Variants in CAP2 observed in about 807,000 individuals in gnomAD.
CAP2 encodes the protein cyclase associated actin cytoskeleton regulatory protein 2.
Under a neutral mutation model 57.7 loss-of-function variants are expected in CAP2, and 24 were observed. The observed-to-expected ratio is 0.42, with a 90% CI of 0.30 to 0.58. The LOEUF is 0.58. Ranked by LOEUF, CAP2 falls within the 20% of genes least tolerant of loss-of-function variation. CAP2 has a pLI of 0.22. For synonymous variants in CAP2, 194 were observed against 207.2 expected, an observed-to-expected ratio of 0.94 and a Z score of 0.55; for missense variants, 501 against 590.3, an observed-to-expected ratio of 0.85 and a Z score of 1.57.
chr6:17,523,561 A>C (rs769728193), intron 7 of CAP2, among the ~76,000 whole-genome samples: 2 of 152,220 alleles, frequency 1.3e-5, no homozygotes. Context: ...AAAACCTTGG[A>C]AAACACTATT....
intron 3 of CAP2, among the ~76,000 whole-genome samples, chr6:17,438,161 T>A (rs937861176): frequency 1.4e-5 from 2 of 146,068 alleles, no homozygotes; most frequent in Non-Finnish European, 3.0e-5. Context: ...AGGTCAGGAG[T>A]TCAAGACCAG....
intron 11 of CAP2, among the ~76,000 whole-genome samples, chr6:17,550,944 G>C (rs1763158092): frequency 6.6e-6 from 1 of 152,102 alleles, no homozygotes; most frequent in Admixed American, 6.6e-5. Context: ...AAGGACTTAT[G>C]TGAAAAGAAT....
intron 11 of CAP2, among the ~76,000 whole-genome samples, chr6:17,544,230 G>A (rs1762986510): frequency 6.6e-6 from 1 of 152,094 alleles, no homozygotes; most frequent in East Asian, 1.9e-4. Flanking sequence ...TGTTTGATGG[G>A]TATATGATTT....
chr6:17,400,353 C>T (rs915668519), intron 1 of CAP2, among the ~76,000 whole-genome samples: 4 of 152,144 alleles, frequency 2.6e-5, no homozygotes, highest in African/African-American at 9.7e-5. Flanking sequence ...TTTGGAGATC[C>T]AGAGAAATTC....
At chr6:17,397,268 C>G (rs1467447360) in intron 1 of CAP2, among the ~76,000 whole-genome samples, 2 of 152,032 alleles carry the variant, frequency 1.3e-5, no homozygotes, top group East Asian at 3.9e-4. Flanking sequence ...CCATGTTGCC[C>G]AGGCTGGTCT....
rs777144224 is a variant in CAP2, at chr6:17,393,626, G to C, written c.-122G>C. On this transcript the variant is annotated 5_prime_UTR_variant, in exon 1 of 13. Transcript: ENST00000229922. ...CCCCTGGAGCAGCGTGACTGACACC[G>C]GCTCCTATTCAGCTGGGAGGAGGGA... is the stretch of plus-strand genomic sequence containing the variant. 2 of 152,510 alleles carry C rather than the reference G, an allele frequency of 1.3e-5. No individual in the cohort carries two copies. Among genetic ancestry groups the C allele is most frequent in the East Asian group, 1.9e-4 (1 of 5,156 alleles). The allele number at this position is 152,510 out of a possible 1,614,324, so 9.4% of individuals were successfully genotyped here.
intron 4 of CAP2, among the ~76,000 whole-genome samples, chr6:17,481,258 T>C (rs1215724593): frequency 2.0e-5 from 3 of 152,196 alleles, no homozygotes; most frequent in Admixed American, 6.5e-5. Context: ...TCGTTCTTGC[T>C]TTTTCTTTTA....
At chr6:17,506,907 A>T (rs896423486) in intron 4 of CAP2, among the ~76,000 whole-genome samples, 2 of 152,170 alleles carry the variant, frequency 1.3e-5, no homozygotes, top group African/African-American at 4.8e-5. Flanking sequence ...GCTGTGCCAT[A>T]CTGCTGGGTT....
At chr6:17,486,775 G>A (rs1049826933) in intron 4 of CAP2, among the ~76,000 whole-genome samples, 2 of 152,160 alleles carry the variant, frequency 1.3e-5, no homozygotes. Flanking sequence ...GTAATCCAAA[G>A]GCCAACTGAA....
intron 11 of CAP2, among the ~76,000 whole-genome samples, chr6:17,551,187 T>C (rs1385078257): frequency 1.3e-5 from 2 of 152,238 alleles, no homozygotes; most frequent in East Asian, 3.8e-4. Context: ...AACATCTAGC[T>C]GCTGTTTCCA....
At chr6:17,420,189 C>G (rs2113530004) in intron 1 of CAP2, among the ~76,000 whole-genome samples, 1 of 152,238 alleles carries the variant, frequency 6.6e-6, no homozygotes, top group African/African-American at 2.4e-5. Flanking sequence ...CATTTTTATC[C>G]CCAGTCCTCT....
chr6:17,543,144 GTAAGCAGAGCCTTTCCAACCATGCTGTAA>G lies in CAP2; in HGVS notation c.1209+23_1209+51del, dbSNP rs751378825. 109 of 1,611,804 alleles carry G rather than the reference GTAAGCAGAGCCTTTCCAACCATGCTGTAA, an allele frequency of 6.8e-5. No individual in the cohort carries two copies. In the East Asian group the frequency reaches 2.2e-3, roughly 32 times the overall value. On this transcript the variant is annotated splice_donor_variant and splice_donor_5th_base_variant and intron_variant, in intron 11 of 12. Coordinates refer to ENST00000229922, the MANE Select transcript of CAP2 (RefSeq NM_006366.3). LOFTEE classifies it high-confidence loss of function. Reference sequence around the variant, plus strand: ...CAACTCCCAGGACATTCAAATCCAGGTAAGCAGAGCCTTTCCAACCATGCTGTAATAAGCAGAGCCTTTCCAACCACGCT... The same window carrying G: ...CAACTCCCAGGACATTCAAATCCAGGTAAGCAGAGCCTTTCCAACCACGCT...
At position 17,487,678 on chromosome 6, in the gene CAP2, C is replaced by T. The variant is rs183302651; in HGVS notation, c.301-19491C>T. ...AGAGACGGGGGTTTCACCATGTTGG[C>T]CAGGCTGGTCTCGAACTTCTGGCCT... On this transcript the variant is annotated intron_variant, in intron 4 of 12. Transcript: ENST00000229922. Among the ~76,000 whole-genome samples the T allele has an allele frequency of 4.2e-3, 636 of 152,314 alleles. 5 individuals are homozygous for T. Among genetic ancestry groups the T allele is most frequent in the African/African-American group, 0.015 (611 of 41,562 alleles).
intron 4 of CAP2, among the ~76,000 whole-genome samples, chr6:17,504,271 A>C (rs823429): frequency 0.66 from 99,728 of 152,026 alleles, 32,918 homozygotes; most frequent in African/African-American, 0.68. Context: ...CTCCTAACAT[A>C]CCTGTGAAGC....
In CAP2 at chr6:17,539,379, T is replaced by C. The variant is rs370686897; in HGVS notation, c.747T>C (p.Asn249=). 5.0e-6 allele frequency: 8 copies of C among 1,613,942 alleles called. No homozygotes were observed. Among genetic ancestry groups the C allele is most frequent in the African/African-American group, 4.0e-5 (3 of 74,910 alleles). The change falls in exon 8 of 13, where the codon AAT becomes AAC. Residue 249 remains asparagine (N), a synonymous_variant. Coordinates refer to ENST00000229922, the MANE Select transcript of CAP2 (RefSeq NM_006366.3). ...PPPGPPPLFE[N]EGKKEESSPS... is the part of the protein sequence containing the mutation. ...CAGGGCCACCTCCACTTTTCGAGAA[T>C]GAAGGCAAAAAAGAGGAATCTTCTC...
chr6:17,428,901 C>T (rs1477502727), intron 3 of CAP2, among the ~76,000 whole-genome samples: 2 of 152,126 alleles, frequency 1.3e-5, no homozygotes, highest in African/African-American at 4.8e-5. Context: ...CCAGAGGCTC[C>T]AAGACTGTAA....
chr6:17,532,777 G>A (rs1459744659), intron 7 of CAP2, among the ~76,000 whole-genome samples: 2 of 144,334 alleles, frequency 1.4e-5, no homozygotes, highest in African/African-American at 5.2e-5. Context: ...AAAACTGGAA[G>A]TGTTGGCCAG....
chr6:17,531,512 C>G (rs1762638667), intron 7 of CAP2: 6 of 1,505,362 alleles, frequency 4.0e-6, no homozygotes, highest in Non-Finnish European at 5.5e-6. Context: ...CCTTGCCTTT[C>G]AAAGCATCTT....
chr6:17,476,864 C>CTTTTT (rs67003718), intron 4 of CAP2, among the ~76,000 whole-genome samples: 72 of 72,426 alleles, frequency 9.9e-4, no homozygotes, highest in Non-Finnish European at 1.2e-3. Flanking sequence ...TTTCTTACTT[C>CTTTTT]TTTTTTTTTT....
Sources: gnomAD v4.1 joint callset for allele counts (sites outside exome capture counted in the v4.1 genomes callset) on GRCh38, gnomAD v4.1.1 for gene constraint, MANE v1.5 for transcripts, NCBI Gene and HGNC (gene_info 2026-07-23, HGNC 2026-07-21) for gene names.